CTNNA1: variants seen among roughly 807,000 people sequenced by gnomAD.
CTNNA1 encodes the protein catenin alpha 1.
CTNNA1 carries 37 observed loss-of-function variants against 98.4 expected under a neutral mutation model. The ratio of observed to expected loss-of-function variants is 0.38; its 90% CI spans 0.29 to 0.49. CTNNA1 has a LOEUF of 0.49. CTNNA1 is among the 20% of genes least tolerant of loss of function. The pLI, the probability that CTNNA1 is intolerant of heterozygous loss-of-function variation, is 0.95. For missense variants in CTNNA1, 761 were observed against 1,147.2 expected, an observed-to-expected ratio of 0.66 and a Z score of 4.86; for synonymous variants, 404 against 413.2, an observed-to-expected ratio of 0.98 and a Z score of 0.27.
intron 7 of CTNNA1, among the ~76,000 whole-genome samples, chr5:138,865,108 G>A (rs28363431): frequency 7.2e-5 from 11 of 152,158 alleles, no homozygotes; most frequent in African/African-American, 7.2e-5. Flanking sequence ...CACCGCTCCC[G>A]GCCGGAAGAT....
chr5:138,815,221 GT>G (rs143597096), intron 5 of CTNNA1, among the ~76,000 whole-genome samples: 10 of 150,498 alleles, frequency 6.6e-5, no homozygotes, highest in East Asian at 5.8e-4. Context: ...TTTTTCATGT[GT>G]TTTTTTTTGA....
intron 7 of CTNNA1, 68 bp downstream of exon 7, chr5:138,827,786 T>G: frequency 6.3e-7 from 1 of 1,577,392 alleles, no homozygotes; most frequent in Non-Finnish European, 8.6e-7. Context: ...ACATGTTGGA[T>G]CTGAGATGTT....
chr5:138,822,892 C>G (rs1760178358), intron 5 of CTNNA1, among the ~76,000 whole-genome samples: 1 of 152,140 alleles, frequency 6.6e-6, no homozygotes, highest in Non-Finnish European at 1.5e-5. Flanking sequence ...TTTGGTGTCT[C>G]TAATGCCTAA....
At chr5:138,907,156 G>A (rs1032257068) in intron 10 of CTNNA1, among the ~76,000 whole-genome samples, 1 of 152,092 alleles carries the variant, frequency 6.6e-6, no homozygotes, top group Non-Finnish European at 1.5e-5. Flanking sequence ...CAAATAGCTG[G>A]AATTACAGGC....
intron 1 of CTNNA1, among the ~76,000 whole-genome samples, chr5:138,765,492 A>G (rs2149589686): frequency 6.6e-6 from 1 of 152,276 alleles, no homozygotes; most frequent in Non-Finnish European, 1.5e-5. Flanking sequence ...ATTTTGCTGT[A>G]TCTCAATTGC....
intron 5 of CTNNA1, among the ~76,000 whole-genome samples, chr5:138,813,528 TTGGGAGTAG>T (rs911920419): frequency 6.6e-6 from 1 of 152,052 alleles, no homozygotes; most frequent in African/African-American, 2.4e-5. Context: ...GAAAGTTGGG[TTGGGAGTAG>T]TGGGAGTAGG....
At chr5:138,928,680 T>C (rs1478721034) in intron 13 of CTNNA1, among the ~76,000 whole-genome samples, 1 of 152,202 alleles carries the variant, frequency 6.6e-6, no homozygotes. Context: ...ACGCCTGTAA[T>C]CTCAGCACTT....
chr5:138,860,378 T>A (rs1581313592), intron 7 of CTNNA1, among the ~76,000 whole-genome samples: 1 of 152,180 alleles, frequency 6.6e-6, no homozygotes, highest in East Asian at 1.9e-4. Flanking sequence ...TGCACTGTAA[T>A]TTTTTTTGAC....
intron 1 of CTNNA1, among the ~76,000 whole-genome samples, chr5:138,773,713 A>ATTTTT (rs757583665): frequency 7.0e-6 from 1 of 142,210 alleles, no homozygotes; most frequent in African/African-American, 2.6e-5. Context: ...TGGTGAATTA[A>ATTTTT]TTTTTTTTTT....
In CTNNA1 at chr5:138,929,992, G is replaced by GC. The variant is rs1764956688; in HGVS notation, c.2011-479dup. ...TCTGTGGGCTGGAGGTGGGCAGCAG[G>GC]CCTCCAGGTGTTGCTCAAGTATGGC... On this transcript the variant is annotated intron_variant, in intron 14 of 17. Transcript: ENST00000302763. 5.9e-5 allele frequency among the ~76,000 whole-genome samples: 9 copies of GC among 152,288 alleles called. No homozygotes were observed. The South Asian group carries it at 1.7e-3, about 28-fold the overall frequency.
At chr5:138,839,028 C>G (rs1762046543) in intron 7 of CTNNA1, among the ~76,000 whole-genome samples, 1 of 151,952 alleles carries the variant, frequency 6.6e-6, no homozygotes, top group Admixed American at 6.6e-5. Context: ...GTGTAATTTC[C>G]AAGTATTTGG....
At chr5:138,757,419 T>A (rs376968604) in intron 1 of CTNNA1, among the ~76,000 whole-genome samples, 1 of 152,072 alleles carries the variant, frequency 6.6e-6, no homozygotes, top group East Asian at 1.9e-4. Flanking sequence ...CTGTGAACTA[T>A]GATCATGCCC....
At chr5:138,897,749 G>T (rs1038354379) in intron 9 of CTNNA1, among the ~76,000 whole-genome samples, 8 of 152,134 alleles carry the variant, frequency 5.3e-5, no homozygotes, top group Admixed American at 1.3e-4. Flanking sequence ...AGACAAAATT[G>T]TCTTACATGT....
At chr5:138,850,112 G>GT (rs1052136841) in intron 7 of CTNNA1, among the ~76,000 whole-genome samples, 24 of 152,068 alleles carry the variant, frequency 1.6e-4, no homozygotes, top group African/African-American at 5.3e-4. Flanking sequence ...CACTTATTTT[G>GT]TTTTTTTCCT....
intron 7 of CTNNA1, among the ~76,000 whole-genome samples, chr5:138,831,811 A>G (rs1391897666): frequency 6.6e-6 from 1 of 152,252 alleles, no homozygotes; most frequent in Non-Finnish European, 1.5e-5. Context: ...ATGGTCTAGT[A>G]TAATGCTGCA....
intron 7 of CTNNA1, among the ~76,000 whole-genome samples, chr5:138,851,166 A>G (rs1246267824): frequency 6.6e-6 from 1 of 152,192 alleles, no homozygotes; most frequent in Non-Finnish European, 1.5e-5. Flanking sequence ...TGTAGAACAT[A>G]TCATGGATGA....
At chr5:138,805,751 T>TA (rs921984433) in intron 3 of CTNNA1, among the ~76,000 whole-genome samples, 20 of 147,904 alleles carry the variant, frequency 1.4e-4, no homozygotes, top group East Asian at 3.9e-4. Flanking sequence ...GCAGCCAACT[T>TA]AAAAAAAAAA....
At chr5:138,864,147 AG>A (rs1168865021) in intron 7 of CTNNA1, among the ~76,000 whole-genome samples, 5 of 152,160 alleles carry the variant, frequency 3.3e-5, no homozygotes, top group African/African-American at 1.2e-4. Flanking sequence ...TAGTAGAGAC[AG>A]GGTTTTGCCA....
In CTNNA1 at chr5:138,789,430, G is replaced by T. The variant is rs1252929642; in HGVS notation, c.301+6058G>T. Among the ~76,000 whole-genome samples the T allele has an allele frequency of 2.0e-5, 3 of 152,122 alleles. No individual in the cohort carries two copies. In the East Asian group the frequency reaches 5.8e-4, roughly 29 times the overall value. On this transcript the variant is annotated intron_variant, in intron 3 of 17. Transcript: ENST00000302763. ...CTGGCTGGAGGTGGGTGCTAGTCAT[G>T]TTGAGCACTGCTGGCAGGAGAGGTT...
Sources: gnomAD v4.1 joint callset for allele counts (sites outside exome capture counted in the v4.1 genomes callset) on GRCh38, gnomAD v4.1.1 for gene constraint, MANE v1.5 for transcripts, NCBI Gene and HGNC (gene_info 2026-07-23, HGNC 2026-07-21) for gene names.